The following INTS2 variants were observed in gnomAD, a reference collection of about 807,000 sequenced individuals.
INTS2 encodes integrator complex subunit 2.
INTS2 carries 57 observed loss-of-function variants against 139.6 expected under a neutral mutation model. The observed-to-expected ratio is 0.41, with a 90% CI of 0.33 to 0.51. The LOEUF (loss-of-function observed/expected upper bound fraction) is 0.51, where lower values mean the gene tolerates loss of function less well. Ranked by LOEUF, INTS2 falls within the 20% of genes least tolerant of loss-of-function variation. The pLI is 0.28. For missense variants in INTS2, 1,196 were observed against 1,436.7 expected, an observed-to-expected ratio of 0.83 and a Z score of 2.71; for synonymous variants, 473 against 493.4, an observed-to-expected ratio of 0.96 and a Z score of 0.55.
chr17:61,918,923 G>GTTTT (rs561665201), intron 5 of INTS2, among the ~76,000 whole-genome samples: 4 of 131,018 alleles, frequency 3.1e-5, no homozygotes, highest in African/African-American at 8.3e-5. Flanking sequence ...GTTCCTTGGG[G>GTTTT]TTTTTTTTTT....
chr17:61,927,794 C>A lies in INTS2; in HGVS notation c.-159G>T. On this transcript the variant is annotated 5_prime_UTR_variant, in exon 1 of 25. Transcript: ENST00000251334. ...CCCAAACCCTAGTTGTGCCTCGAGT[C>A]GACTCGGACACCAAGAACTCAGACG... The A allele has an allele frequency of 6.2e-7, 1 of 1,600,820 alleles. No individual in the cohort carries two copies.
intron 14 of INTS2, among the ~76,000 whole-genome samples, chr17:61,890,933 G>A (rs1227464196): frequency 2.4e-5 from 3 of 127,266 alleles, no homozygotes; most frequent in Non-Finnish European, 4.7e-5. Flanking sequence ...GTAGTGAGCC[G>A]AGACTGCCCA....
At chr17:61,921,600 T>TA (rs2079641893) in intron 4 of INTS2, 125 bp downstream of exon 4, 1 of 456,602 alleles carries the variant, frequency 2.2e-6, no homozygotes. Flanking sequence ...ACTTTTGACT[T>TA]AAAATCACAT....
chr17:61,914,565 T>C (rs1428466426), intron 5 of INTS2, among the ~76,000 whole-genome samples: 6 of 151,812 alleles, frequency 4.0e-5, no homozygotes, highest in South Asian at 2.1e-4. Context: ...CCGGGCGTGG[T>C]GGTGGCGGGC....
intron 5 of INTS2, among the ~76,000 whole-genome samples, chr17:61,914,702 C>CAAAAAAA (rs58141533): frequency 4.1e-5 from 2 of 49,366 alleles, no homozygotes; most frequent in African/African-American, 1.4e-4. Context: ...GACTCCGTCT[C>CAAAAAAA]AAAAAAAAAA....
Position 61,893,587 on chromosome 17 carries a change from T to C in INTS2, c.1698+178A>G, listed in dbSNP as rs1055922151. ...GCACACACCTGTAGTCCCAGCTACC[T>C]GGGAGGTTGAGGCAGGAGAATCACT... On this transcript the variant is annotated intron_variant, in intron 13 of 24. Coordinates refer to ENST00000251334, the MANE Select transcript of INTS2 (RefSeq NM_001351695.2). This position sits in a 1 kb window ranked among gnomAD's most constrained non-coding sequence, Gnocchi z 5.4. 6.6e-6 allele frequency among the ~76,000 whole-genome samples: 1 copy of C among 151,952 alleles called. No individual in the cohort carries two copies. The highest frequency in any genetic ancestry group is 2.4e-5 in the African/African-American group (1 of 41,364).
Position 61,897,840 on chromosome 17 carries a change from G to T in INTS2, c.1308-101C>A. On this transcript the variant is annotated intron_variant, in intron 9 of 24. Transcript: ENST00000251334. This position sits in a 1 kb window ranked among gnomAD's most constrained non-coding sequence, Gnocchi z 4.4. The stretch of plus-strand genomic sequence containing the variant: ...ATTTTTGGTAGAAATTATTTTTCCT[G>T]CCCTATTTTCAAGTATCAAGTCAAA... 1.2e-6 allele frequency: 1 copy of T among 857,074 alleles called. No homozygotes were observed. The highest frequency in any genetic ancestry group is 1.8e-6 in the Non-Finnish European group (1 of 544,428). The allele number at this position is 857,074 out of a possible 1,614,324, so 53.1% of individuals were successfully genotyped here.
intron 8 of INTS2, among the ~76,000 whole-genome samples, chr17:61,906,494 C>T (rs374038760): frequency 6.6e-6 from 1 of 152,074 alleles, no homozygotes; most frequent in Non-Finnish European, 1.5e-5. Context: ...TGATCTGTGT[C>T]CTGAGGAGCT....
intron 9 of INTS2, among the ~76,000 whole-genome samples, chr17:61,898,099 A>ATCTAGT (rs541434316): frequency 5.4e-4 from 83 of 152,370 alleles, no homozygotes; most frequent in Middle Eastern, 3.4e-3. Flanking sequence ...ATAGAAAAAA[A>ATCTAGT]TCTAGTGTTA....
intron 13 of INTS2, among the ~76,000 whole-genome samples, chr17:61,892,839 A>T (rs1355119916): frequency 6.6e-6 from 1 of 151,176 alleles, no homozygotes; most frequent in East Asian, 1.9e-4. Context: ...CTGTAATACC[A>T]GCTACTCAGG....
Position 61,921,775 on chromosome 17 carries a change from C to T in INTS2, c.485G>A (p.Ser162Asn). 1.2e-6 allele frequency: 2 copies of T among 1,606,940 alleles called. No individual in the cohort carries two copies. The highest frequency in any genetic ancestry group is 2.7e-5 in the African/African-American group (2 of 74,576). ...FFFKSSELFE[S>N]PVYLEEAADV... ...TGCAGCTTCCTCCAAATATACTGGA[C>T]TCTCAAAAAGTTCAGAAGACTTGAA... Residue 162 changes from serine (S) to asparagine (N), a missense_variant, in exon 4 of 25, where the codon AGT becomes AAT. Transcript: ENST00000251334.
intron 3 of INTS2, among the ~76,000 whole-genome samples, chr17:61,923,569 C>CTT (rs1567922148): frequency 6.6e-6 from 1 of 150,696 alleles, no homozygotes; most frequent in Non-Finnish European, 1.5e-5. Context: ...AGTCCTTTCT[C>CTT]TTTTTGTCCA....
In INTS2 at chr17:61,907,627, C is replaced by A; in HGVS notation, c.962G>T (p.Arg321Ile). ...CCAAAGGACAGAACTGCTGGTCTCT[C>A]TTTTTCTCTGAAAGAAATATGGATC... Reference protein sequence around the residue: ...TFIRNGQQRKRETSSSVLWQM... With the variant: ...TFIRNGQQRKIETSSSVLWQM... The change falls in exon 8 of 25, where the codon AGA becomes ATA. Residue 321 changes from arginine (R) to isoleucine (I), a missense_variant. Transcript: ENST00000251334. The A allele has an allele frequency of 6.3e-7, 1 of 1,576,436 alleles. No individual in the cohort carries two copies. Among genetic ancestry groups the A allele is most frequent in the Non-Finnish European group, 8.6e-7 (1 of 1,159,640 alleles).
chr17:61,914,476 C>G (rs529286960), intron 5 of INTS2, among the ~76,000 whole-genome samples: 19 of 151,956 alleles, frequency 1.3e-4, no homozygotes, highest in African/African-American at 4.3e-4. Flanking sequence ...ACAGAGGGCG[C>G]ATCACGAGGT....
chr17:61,888,564 CGTGT>C lies in INTS2; in HGVS notation c.1984+1218_1984+1221del, dbSNP rs149283427. Reference sequence around the variant, plus strand: ...TTCTCTGTGTGCGTGTGTGTGCGTGCGTGTGTGTGTGTGTGTGTGTGTGTGTGGA... The same window carrying C: ...TTCTCTGTGTGCGTGTGTGTGCGTGCGTGTGTGTGTGTGTGTGTGTGTGGA... On this transcript the variant is annotated intron_variant, in intron 15 of 24. Coordinates refer to ENST00000251334, the MANE Select transcript of INTS2 (RefSeq NM_001351695.2). 4.1e-3 allele frequency among the ~76,000 whole-genome samples: 494 copies of C among 119,646 alleles called. 2 individuals are homozygous for C. Among genetic ancestry groups the C allele is most frequent in the African/African-American group, 0.013 (449 of 34,952 alleles). 78.5% of individuals were successfully genotyped at this position (119,646 alleles called of 152,430 possible). A position where few individuals can be genotyped will look rare whatever the true frequency, so the allele number is the denominator to read the frequency against.
chr17:61,909,355 C>T lies in INTS2; in HGVS notation c.955-1721G>A, dbSNP rs1387513190. Among the ~76,000 whole-genome samples, 2 of 152,086 alleles carry T rather than the reference C, an allele frequency of 1.3e-5. No individual in the cohort carries two copies. The highest frequency in any genetic ancestry group is 2.4e-5 in the African/African-American group (1 of 41,414). ...CCCTCTCTTGACCTTGTGATCCGCC[C>T]GCCTCAGCCTCCCAAAGTGCTGGGA... On this transcript the variant is annotated intron_variant, in intron 7 of 24. Transcript: ENST00000251334. This position sits in a 1 kb window ranked among gnomAD's most constrained non-coding sequence, Gnocchi z 4.9.
Position 61,925,036 on chromosome 17 carries a change from C to T in INTS2, c.357G>A (p.Thr119=), listed in dbSNP as rs1261066334. ...GTGAATCACTGTGTTCAAACTCTAA[C>T]GTCAGTCCATGCTGAAGCTGTGATA... ...ILVSQLQHGL[T]LEFEHSDSPR... is the part of the protein sequence containing the mutation. The change falls in exon 3 of 25, where the codon ACG becomes ACA. Residue 119 remains threonine (T), a synonymous_variant. Coordinates refer to ENST00000251334, the MANE Select transcript of INTS2 (RefSeq NM_001351695.2). The T allele has an allele frequency of 4.3e-6, 7 of 1,613,604 alleles. No individual in the cohort carries two copies. The Middle Eastern group carries it at 6.6e-4, about 152-fold the overall frequency.
In INTS2 at chr17:61,868,102, G is replaced by A; in HGVS notation, c.3245-93C>T. 9.8e-7 allele frequency: 1 copy of A among 1,020,324 alleles called. No individual in the cohort carries two copies. Among genetic ancestry groups the A allele is most frequent in the Non-Finnish European group, 1.4e-6 (1 of 732,740 alleles). The allele number at this position is 1,020,324 out of a possible 1,614,324, so 63.2% of individuals were successfully genotyped here. ...CTAAGGGGAACTATGCTCTGTGCTG[G>A]AGATATGAAGTTCTCTAAACACAGC... is the stretch of plus-strand genomic sequence containing the variant. On this transcript the variant is annotated intron_variant, in intron 23 of 24. Coordinates refer to ENST00000251334, the MANE Select transcript of INTS2 (RefSeq NM_001351695.2). This position sits in a 1 kb window ranked among gnomAD's most constrained non-coding sequence, Gnocchi z 4.7.
At chr17:61,894,198 A>C (rs2079324001) in intron 12 of INTS2, 1 of 179,608 alleles carries the variant, frequency 5.6e-6, no homozygotes, top group Non-Finnish European at 1.1e-5. Context: ...GACTTTGAAG[A>C]AGTCATTTAT....
Sources: gnomAD v4.1 joint callset for allele counts (sites outside exome capture counted in the v4.1 genomes callset) on GRCh38, gnomAD v4.1.1 for gene constraint, Gnocchi (gnomAD v3.1) non-coding constraint, MANE v1.5 for transcripts, NCBI Gene and HGNC (gene_info 2026-07-23, HGNC 2026-07-21) for gene names.